Variants in B3GALT5 observed in about 807,000 individuals in gnomAD.
B3GALT5 encodes the protein UDP-Gal:betaGlcNAc beta 1,3-galactosyltransferase, polypeptide 5.
For synonymous variants in B3GALT5, 156 were observed against 158.6 expected (o/e 0.98, Z 0.12); for missense variants, 328 against 396.6 (o/e 0.83, Z 1.47).
At chr21:39,648,583 G>A (rs749352791) in intron 2 of B3GALT5, among the ~76,000 whole-genome samples, 26 of 152,194 alleles carry the variant, frequency 1.7e-4, no homozygotes, top group South Asian at 4.1e-4. Context: ...GACAAGTTTG[G>A]CCCTCCATGC....
At position 39,660,663 on chromosome 21, in the gene B3GALT5, C is replaced by T. The variant is rs1472343608; in HGVS notation, c.104C>T (p.Ser35Phe). 1 of 1,549,608 alleles carries T rather than the reference C, an allele frequency of 6.5e-7. No homozygotes were observed. The highest frequency in any genetic ancestry group is 2.0e-5 in the Admixed American group (1 of 48,908). ...AGTCTAAATCCTTTCAAAGAACAGT[C>T]CTTTGTTTACAAGAAAGACGGGAAC... ...MYSLNPFKEQ[S>F]FVYKKDGNFL... Residue 35 changes from serine to phenylalanine, a missense_variant, in exon 4 of 4, where the codon TCC (serine) becomes TTC (phenylalanine). Physicochemically the swap from Ser to Phe is radical, Grantham distance 155. Coordinates refer to ENST00000684187, the MANE Select transcript of B3GALT5 (RefSeq NM_001356336.2).
At chr21:39,657,532 G>A (rs984728467) in intron 2 of B3GALT5, 1 of 191,110 alleles carries the variant, frequency 5.2e-6, no homozygotes, top group Non-Finnish European at 1.1e-5. Flanking sequence ...CTGGTTCTGA[G>A]GCTCTTGGTC....
chr21:39,655,761 A>G (rs2079436836), intron 2 of B3GALT5, among the ~76,000 whole-genome samples: 1 of 152,214 alleles, frequency 6.6e-6, no homozygotes, highest in Non-Finnish European at 1.5e-5. Flanking sequence ...CCAAAGGCCC[A>G]GCCAGGCTGG....
intron 1 of B3GALT5, among the ~76,000 whole-genome samples, chr21:39,618,656 G>A (rs898257901): frequency 2.0e-5 from 3 of 151,932 alleles, no homozygotes; most frequent in African/African-American, 7.3e-5. Context: ...TTTTCTTATA[G>A]ATCTATAGAA....
chr21:39,613,679 CGT>C (rs372230904), intron 1 of B3GALT5, among the ~76,000 whole-genome samples: 1 of 152,052 alleles, frequency 6.6e-6, no homozygotes, highest in African/African-American at 2.4e-5. Flanking sequence ...TGTGTGAGTG[CGT>C]GTGTGTGTGC....
intron 1 of B3GALT5, among the ~76,000 whole-genome samples, chr21:39,637,041 A>T (rs1414756526): frequency 6.6e-6 from 1 of 152,008 alleles, no homozygotes; most frequent in Non-Finnish European, 1.5e-5. Context: ...AGAACAGGGG[A>T]CCTGTGCTGT....
intron 1 of B3GALT5, among the ~76,000 whole-genome samples, chr21:39,641,076 A>G (rs1183222266): frequency 6.6e-6 from 1 of 152,144 alleles, no homozygotes; most frequent in Non-Finnish European, 1.5e-5. Flanking sequence ...GTGGTGTTGA[A>G]TGGTGAAGAC....
rs948291595 is a variant in B3GALT5, at chr21:39,625,701, C to A, written c.-392+12634C>A. On this transcript the variant is annotated intron_variant, in intron 1 of 3. Coordinates refer to ENST00000684187, the MANE Select transcript of B3GALT5 (RefSeq NM_001356336.2). The stretch of plus-strand genomic sequence containing the variant: ...TGCAATTCTACCTTCCTCTCACCCC[C>A]GCAGGGGCGCACACAGGGACTCCTG... Among the ~76,000 whole-genome samples the A allele has an allele frequency of 3.9e-5, 6 of 152,336 alleles. No homozygotes were observed. The South Asian group carries it at 6.2e-4, about 16-fold the overall frequency.
At chr21:39,618,521 A>T (rs960753515) in intron 1 of B3GALT5, among the ~76,000 whole-genome samples, 1 of 152,160 alleles carries the variant, frequency 6.6e-6, no homozygotes, top group East Asian at 1.9e-4. Context: ...GTGTTTTAAG[A>T]TGCATTTTCC....
intron 1 of B3GALT5, among the ~76,000 whole-genome samples, chr21:39,641,780 A>C (rs1403038229): frequency 2.6e-5 from 4 of 152,238 alleles, no homozygotes; most frequent in African/African-American, 9.6e-5. Context: ...TCTATCATAT[A>C]ATACATGCTC....
chr21:39,669,139 GTTC>G lies in B3GALT5; in HGVS notation c.*7652_*7654del, dbSNP rs1431520992. The G allele has an allele frequency of 6.6e-6, 1 of 152,182 alleles. No individual in the cohort carries two copies. The highest frequency in any genetic ancestry group is 1.5e-5 in the Non-Finnish European group (1 of 68,028). 9.4% of individuals were successfully genotyped at this position (152,182 alleles called of 1,614,324 possible). On this transcript the variant is annotated 3_prime_UTR_variant, in exon 4 of 4. Coordinates refer to ENST00000684187, the MANE Select transcript of B3GALT5 (RefSeq NM_001356336.2). ...AATCTTTCCTGGAACTCTTGGAGAA[GTTC>G]TTCTGTTCGTGACATTCTTCACAAT... is the stretch of plus-strand genomic sequence containing the variant.
intron 2 of B3GALT5, among the ~76,000 whole-genome samples, chr21:39,652,191 C>T (rs1296819955): frequency 1.3e-5 from 2 of 152,334 alleles, no homozygotes; most frequent in East Asian, 1.9e-4. Flanking sequence ...GTAGGTATGA[C>T]CTGGATGTGA....
intron 1 of B3GALT5, among the ~76,000 whole-genome samples, chr21:39,621,916 A>G (rs2079136306): frequency 6.6e-6 from 1 of 152,038 alleles, no homozygotes; most frequent in African/African-American, 2.4e-5. Context: ...CTTGATAGTT[A>G]TATCCTCGTC....
chr21:39,656,771 C>CGT (rs939324781), intron 2 of B3GALT5, among the ~76,000 whole-genome samples: 2 of 152,200 alleles, frequency 1.3e-5, no homozygotes, highest in African/African-American at 4.8e-5. Flanking sequence ...GGACGCTGCA[C>CGT]GTGCCTGTGC....
At chr21:39,657,730 A>T in intron 2 of B3GALT5, 2 of 601,810 alleles carry the variant, frequency 3.3e-6, no homozygotes, top group Non-Finnish European at 4.8e-6. Context: ...TCTTTTGATT[A>T]ATCTACCTAT....
intron 1 of B3GALT5, among the ~76,000 whole-genome samples, chr21:39,624,120 G>C (rs1038135143): frequency 6.6e-6 from 1 of 152,126 alleles, no homozygotes; most frequent in African/African-American, 2.4e-5. Context: ...TTTCTCTTAA[G>C]TCTCCTCTTC....
chr21:39,641,948 GC>G (rs1422582960), intron 1 of B3GALT5, among the ~76,000 whole-genome samples: 1 of 152,102 alleles, frequency 6.6e-6, no homozygotes, highest in Non-Finnish European at 1.5e-5. Context: ...TGTTTTGGTA[GC>G]AAATCCCACA....
At chr21:39,642,931 G>A (rs565657590) in intron 1 of B3GALT5, among the ~76,000 whole-genome samples, 38 of 151,478 alleles carry the variant, frequency 2.5e-4, no homozygotes, top group African/African-American at 7.5e-4. Flanking sequence ...GTGTGCCTTC[G>A]ATCCCAGCTA....
In B3GALT5 at chr21:39,622,389, A is replaced by G. The variant is rs530404456; in HGVS notation, c.-392+9322A>G. On this transcript the variant is annotated intron_variant, in intron 1 of 3. Coordinates refer to ENST00000684187, the MANE Select transcript of B3GALT5 (RefSeq NM_001356336.2). ...AAAATTTATTCTTAGAATGCTATCA[A>G]TTTTTTGTTATATGTTTTGATGCTG... Among the ~76,000 whole-genome samples the G allele has an allele frequency of 5.9e-5, 9 of 152,180 alleles. No homozygotes were observed. In the East Asian group the frequency reaches 9.6e-4, roughly 16 times the overall value.
Sources: gnomAD v4.1 joint callset for allele counts (sites outside exome capture counted in the v4.1 genomes callset) on GRCh38, gnomAD v4.1.1 for gene constraint, MANE v1.5 for transcripts, NCBI Gene and HGNC (gene_info 2026-07-23, HGNC 2026-07-21) for gene names.